PACRG: variants seen among roughly 807,000 people sequenced by gnomAD.
PACRG encodes parkin coregulated gene protein.
Under a neutral mutation model 29.7 loss-of-function variants are expected in PACRG, and 29 were observed. The observed-to-expected ratio is 0.98, with a 90% CI of 0.73 to 1.33. The LOEUF (loss-of-function observed/expected upper bound fraction) is 1.33. PACRG is among the 40% of genes most tolerant of loss of function. PACRG has a pLI of 0.00. For missense variants in PACRG, 279 were observed against 316.2 expected (o/e 0.88, Z 0.89); for synonymous variants, 116 against 118.7 (o/e 0.98, Z 0.15).
intron 4 of PACRG, among the ~76,000 whole-genome samples, chr6:163,294,493 T>G (rs937742768): frequency 6.6e-6 from 1 of 152,094 alleles, no homozygotes; most frequent in Non-Finnish European, 1.5e-5. Context: ...TTTCCCCAAA[T>G]GTAAAATGGC....
chr6:162,858,675 A>G (rs1356339570), intron 2 of PACRG, among the ~76,000 whole-genome samples: 3 of 152,166 alleles, frequency 2.0e-5, no homozygotes, highest in African/African-American at 7.2e-5. Context: ...AGGCATGCAG[A>G]AGTAAGACTG....
intron 4 of PACRG, among the ~76,000 whole-genome samples, chr6:163,227,563 C>T (rs965104145): frequency 1.3e-5 from 2 of 152,190 alleles, no homozygotes; most frequent in East Asian, 1.9e-4. Flanking sequence ...ATGGGTGTGC[C>T]GTCCTTCATG....
intron 4 of PACRG, chr6:163,310,500 G>T (rs958202006): frequency 6.6e-6 from 1 of 152,226 alleles, no homozygotes; most frequent in Admixed American, 6.5e-5. Context: ...AGGGAGGACA[G>T]CCTGTGAAAC....
At chr6:162,931,380 T>C (rs1370980774) in intron 2 of PACRG, among the ~76,000 whole-genome samples, 13 of 80,818 alleles carry the variant, frequency 1.6e-4, no homozygotes, top group Admixed American at 1.5e-3. Flanking sequence ...TGATGTCATA[T>C]ATAAAAAAAA....
intron 1 of PACRG, among the ~76,000 whole-genome samples, chr6:162,761,327 G>A (rs1782338796): frequency 6.6e-6 from 1 of 152,172 alleles, no homozygotes; most frequent in Non-Finnish European, 1.5e-5. Context: ...TAGATGAGCT[G>A]AGCTGGTAGA....
At chr6:163,058,432 G>A (rs1048718896) in intron 2 of PACRG, among the ~76,000 whole-genome samples, 2 of 152,142 alleles carry the variant, frequency 1.3e-5, no homozygotes, top group Admixed American at 6.5e-5. Context: ...CAACATATTT[G>A]CAATGACAAC....
At chr6:163,201,489 T>C (rs1780696143) in intron 4 of PACRG, among the ~76,000 whole-genome samples, 2 of 152,196 alleles carry the variant, frequency 1.3e-5, no homozygotes, top group African/African-American at 4.8e-5. Context: ...GGAATCGGGC[T>C]GTGTGGGGAC....
chr6:163,192,077 G>C, intron 4 of PACRG: 1 of 211,050 alleles, frequency 4.7e-6, no homozygotes, highest in Non-Finnish European at 9.7e-6. Flanking sequence ...AAGCACAGTT[G>C]TGCAGCTGCC....
At chr6:163,172,269 C>T (rs1269957166) in intron 4 of PACRG, among the ~76,000 whole-genome samples, 1 of 152,184 alleles carries the variant, frequency 6.6e-6, no homozygotes, top group Non-Finnish European at 1.5e-5. Context: ...CAGACATTTC[C>T]ACCCCCTCAA....
chr6:163,269,991 GAAAGAAAGAAAGA>G lies in PACRG; in HGVS notation c.614-44833_614-44821del, dbSNP rs1783759013. 1.5e-4 allele frequency among the ~76,000 whole-genome samples: 15 copies of G among 102,912 alleles called. 3 individuals are homozygous for G. The highest frequency in any genetic ancestry group is 4.8e-3 in the Middle Eastern group (1 of 210). 67.5% of individuals were successfully genotyped at this position (102,912 alleles called of 152,430 possible). On this transcript the variant is annotated intron_variant, in intron 4 of 4. Coordinates refer to ENST00000366888, the MANE Select transcript of PACRG (RefSeq NM_001080379.2). ...AGAAAGAAAGAAAGAAAGAAAGAAA[GAAAGAAAGAAAGA>G]AAGGAGGGAGGGAGGGAGGGAGGAA...
chr6:162,980,544 T>G (rs1802327329), intron 2 of PACRG, among the ~76,000 whole-genome samples: 1 of 152,194 alleles, frequency 6.6e-6, no homozygotes, highest in South Asian at 2.1e-4. Flanking sequence ...TTGGCTTTTT[T>G]GCTTAGAATT....
intron 2 of PACRG, among the ~76,000 whole-genome samples, chr6:163,059,914 C>T (rs1316903937): frequency 6.6e-6 from 1 of 152,072 alleles, no homozygotes; most frequent in Non-Finnish European, 1.5e-5. Flanking sequence ...ATAGACATGT[C>T]AACAGTCTTA....
intron 4 of PACRG, among the ~76,000 whole-genome samples, chr6:163,261,526 TC>T (rs1458638216): frequency 3.3e-5 from 5 of 152,228 alleles, no homozygotes; most frequent in African/African-American, 9.6e-5. Context: ...CAAAGAAAGT[TC>T]TCAGCTTCTG....
At chr6:163,287,392 G>A (rs773941377) in intron 4 of PACRG, among the ~76,000 whole-genome samples, 6 of 152,144 alleles carry the variant, frequency 3.9e-5, no homozygotes, top group Non-Finnish European at 5.9e-5. Flanking sequence ...CCAGAAGCCG[G>A]GGACCCTCAG....
chr6:162,919,385 G>A (rs1033741916), intron 2 of PACRG, among the ~76,000 whole-genome samples: 6 of 152,170 alleles, frequency 3.9e-5, no homozygotes, highest in Non-Finnish European at 5.9e-5. Flanking sequence ...GAGCAAAGGA[G>A]GGAGTGAGTG....
chr6:162,929,613 C>A (rs146811703), intron 2 of PACRG, among the ~76,000 whole-genome samples: 8 of 151,844 alleles, frequency 5.3e-5, no homozygotes, highest in African/African-American at 1.4e-4. Flanking sequence ...TTGCTTTGAT[C>A]GTCTTTGCTT....
chr6:163,279,809 T>C (rs1348437660), intron 4 of PACRG, among the ~76,000 whole-genome samples: 1 of 152,234 alleles, frequency 6.6e-6, no homozygotes, highest in Non-Finnish European at 1.5e-5. Context: ...TAAGTCATAT[T>C]TTCCAGCTAA....
intron 2 of PACRG, among the ~76,000 whole-genome samples, chr6:162,816,643 C>G (rs757737116): frequency 6.6e-6 from 1 of 152,170 alleles, no homozygotes; most frequent in Admixed American, 6.5e-5. Context: ...TGAGCCACCG[C>G]GCCCAGCCAA....
chr6:163,048,545 G>A (rs1809649638), intron 2 of PACRG, among the ~76,000 whole-genome samples: 1 of 152,156 alleles, frequency 6.6e-6, no homozygotes, highest in Admixed American at 6.5e-5. Context: ...CGGCCTCGGT[G>A]AGATTGAACT....
Sources: gnomAD v4.1 joint callset for allele counts (sites outside exome capture counted in the v4.1 genomes callset) on GRCh38, gnomAD v4.1.1 for gene constraint, MANE v1.5 for transcripts, NCBI Gene and HGNC (gene_info 2026-07-23, HGNC 2026-07-21) for gene names.